Variants in PDSS2 observed in about 807,000 individuals in gnomAD.
PDSS2 encodes the protein all trans-polyprenyl-diphosphate synthase PDSS2.
PDSS2 carries 31 observed loss-of-function variants against 44.5 expected under a neutral mutation model. The observed-to-expected ratio is 0.70, with a 90% CI of 0.52 to 0.94. PDSS2 has a LOEUF of 0.94. PDSS2 is among the 40% of genes least tolerant of loss of function. PDSS2 has a pLI of 0.00. For synonymous variants in PDSS2, 157 were observed against 180.3 expected, an observed-to-expected ratio of 0.87 and a Z score of 1.03; for missense variants, 452 against 482.2, an observed-to-expected ratio of 0.94 and a Z score of 0.59.
intron 4 of PDSS2, among the ~76,000 whole-genome samples, chr6:107,235,196 T>G (rs769654622): frequency 8.5e-5 from 13 of 152,196 alleles, no homozygotes; most frequent in Non-Finnish European, 1.8e-4. Flanking sequence ...GGGCTAGGGT[T>G]CATAGGGCAG....
At chr6:107,423,328 T>C (rs56818919) in intron 1 of PDSS2, among the ~76,000 whole-genome samples, 5,739 of 152,226 alleles carry the variant, frequency 0.038, 355 homozygotes, top group African/African-American at 0.13. Context: ...AATAATATCT[T>C]CCTTAATGTG....
chr6:107,158,350 A>G (rs761641491), intron 7 of PDSS2, among the ~76,000 whole-genome samples: 1 of 151,618 alleles, frequency 6.6e-6, no homozygotes, highest in Non-Finnish European at 1.5e-5. Flanking sequence ...ACACCTGGCT[A>G]ATTTTTTTAT....
chr6:107,402,813 G>C (rs1780190035), intron 1 of PDSS2, among the ~76,000 whole-genome samples: 1 of 151,860 alleles, frequency 6.6e-6, no homozygotes, highest in Non-Finnish European at 1.5e-5. Flanking sequence ...TAGCATGAAG[G>C]TAACTGTCCC....
intron 7 of PDSS2, among the ~76,000 whole-genome samples, chr6:107,154,995 A>T (rs1323217588): frequency 6.6e-6 from 1 of 152,164 alleles, no homozygotes; most frequent in African/African-American, 2.4e-5. Context: ...CCAGAGCAGC[A>T]CAATAGGTTC....
At chr6:107,335,075 C>T (rs1418602826) in intron 1 of PDSS2, among the ~76,000 whole-genome samples, 1 of 151,164 alleles carries the variant, frequency 6.6e-6, no homozygotes, top group Non-Finnish European at 1.5e-5. Flanking sequence ...TGATTTGAGC[C>T]CAGGGTTGGG....
At chr6:107,286,018 T>C (rs1455740189) in intron 2 of PDSS2, among the ~76,000 whole-genome samples, 1 of 151,634 alleles carries the variant, frequency 6.6e-6, no homozygotes, top group African/African-American at 2.4e-5. Flanking sequence ...CGGGTGCCTG[T>C]AATCCCAGCT....
At chr6:107,182,389 A>G (rs1232759173) in intron 7 of PDSS2, among the ~76,000 whole-genome samples, 1 of 152,136 alleles carries the variant, frequency 6.6e-6, no homozygotes, top group Non-Finnish European at 1.5e-5. Flanking sequence ...CAGTGGCACA[A>G]TCTCAGCTCA....
At chr6:107,196,638 A>G (rs1181280600) in intron 6 of PDSS2, among the ~76,000 whole-genome samples, 1 of 152,228 alleles carries the variant, frequency 6.6e-6, no homozygotes, top group Non-Finnish European at 1.5e-5. Context: ...TCTGGCATAC[A>G]ACTCCTAAAA....
At chr6:107,191,616 AT>A (rs1248241163) in intron 7 of PDSS2, among the ~76,000 whole-genome samples, 1 of 151,262 alleles carries the variant, frequency 6.6e-6, no homozygotes, top group Non-Finnish European at 1.5e-5. Flanking sequence ...AGACTCATCA[AT>A]TTTTTTTTCT....
chr6:107,161,480 A>G (rs549076641), intron 7 of PDSS2, among the ~76,000 whole-genome samples: 24 of 107,278 alleles, frequency 2.2e-4, no homozygotes, highest in Non-Finnish European at 5.0e-4. Flanking sequence ...ACTCCGTCTC[A>G]GGAAAAAAAA....
rs144189751 is a variant in PDSS2 at position 107,170,863 on chromosome 6, T to G, written c.1042-16086A>C. On this transcript the variant is annotated intron_variant, in intron 7 of 7. Coordinates refer to ENST00000369037, the MANE Select transcript of PDSS2 (RefSeq NM_020381.4). The stretch of plus-strand genomic sequence containing the variant: ...CCTGACCTCAAGTGATCCTCCCACC[T>G]CAGCCTCCCAAAGTGCTGGGATTAC... Among the ~76,000 whole-genome samples the G allele has an allele frequency of 6.1e-3, 929 of 152,154 alleles. 10 individuals are homozygous for G. The highest frequency in any genetic ancestry group is 0.022 in the African/African-American group (894 of 41,532).
At chr6:107,277,218 G>A (rs1023380981) in intron 2 of PDSS2, among the ~76,000 whole-genome samples, 7 of 152,116 alleles carry the variant, frequency 4.6e-5, no homozygotes, top group Non-Finnish European at 7.3e-5. Flanking sequence ...AAATTTGAGC[G>A]GGGCCTGGAA....
intron 3 of PDSS2, among the ~76,000 whole-genome samples, chr6:107,252,431 G>A (rs1256713358): frequency 6.6e-6 from 1 of 152,180 alleles, no homozygotes; most frequent in Non-Finnish European, 1.5e-5. Context: ...ATCTGTTCTA[G>A]TGAGCTGGAA....
intron 1 of PDSS2, among the ~76,000 whole-genome samples, chr6:107,397,967 T>C (rs1386864469): frequency 1.3e-5 from 2 of 152,152 alleles, no homozygotes; most frequent in Non-Finnish European, 2.9e-5. Flanking sequence ...TACAAAATTA[T>C]GGACGGGTAA....
intron 1 of PDSS2, among the ~76,000 whole-genome samples, chr6:107,367,850 G>A (rs1779006958): frequency 6.7e-6 from 1 of 149,220 alleles, no homozygotes; most frequent in African/African-American, 2.5e-5. Flanking sequence ...GTAAAAGGAA[G>A]GAGAAAAACT....
In PDSS2 at chr6:107,154,506, A is replaced by C; in HGVS notation, c.*113T>G. The C allele has an allele frequency of 3.1e-6, 3 of 958,170 alleles. No individual in the cohort carries two copies. The highest frequency in any genetic ancestry group is 5.0e-6 in the Non-Finnish European group (3 of 604,940). The allele number at this position is 958,170 out of a possible 1,614,324, so 59.4% of individuals were successfully genotyped here. On this transcript the variant is annotated 3_prime_UTR_variant, in exon 8 of 8. Coordinates refer to ENST00000369037, the MANE Select transcript of PDSS2 (RefSeq NM_020381.4). ...ACTCATTTAGCAATGTGATAAAAGG[A>C]AGGAAAAATGCATATGTTTTAAAAG...
chr6:107,285,422 A>G (rs1286578732), intron 2 of PDSS2, among the ~76,000 whole-genome samples: 1 of 152,046 alleles, frequency 6.6e-6, no homozygotes, highest in African/African-American at 2.4e-5. Flanking sequence ...AGGCAGGAGG[A>G]TTGCTTCAGC....
intron 1 of PDSS2, among the ~76,000 whole-genome samples, chr6:107,407,804 A>G (rs918063646): frequency 6.6e-6 from 1 of 151,956 alleles, no homozygotes; most frequent in African/African-American, 2.4e-5. Flanking sequence ...GGTTCAAGCA[A>G]TTCTCCTGCC....
chr6:107,276,213 T>C (rs1394160168), intron 2 of PDSS2, among the ~76,000 whole-genome samples: 4 of 149,952 alleles, frequency 2.7e-5, no homozygotes, highest in African/African-American at 4.9e-5. Flanking sequence ...TTCCAGGGAA[T>C]AGAACTGAGC....
Sources: allele counts gnomAD v4.1 joint callset (sites outside exome capture counted in the v4.1 genomes callset), GRCh38; gene constraint gnomAD v4.1.1; transcripts MANE v1.5; gene names NCBI Gene and HGNC (gene_info 2026-07-23, HGNC 2026-07-21).